The following MSANTD3 variants were observed in gnomAD, a reference collection of about 807,000 sequenced individuals.
MSANTD3 encodes myb/SANT-like DNA-binding domain-containing protein 3.
A neutral mutation model predicts 27.7 loss-of-function variants in MSANTD3; 11 were observed. The ratio of observed to expected loss-of-function variants is 0.40; its 90% confidence interval spans 0.25 to 0.66. The LOEUF is 0.66. Ranked by LOEUF, MSANTD3 falls within the 30% of genes least tolerant of loss-of-function variation. MSANTD3 has a pLI of 0.41. For synonymous variants in MSANTD3, 131 were observed against 127.2 expected, an observed-to-expected ratio of 1.03 and a Z score of -0.20; for missense variants, 250 against 336.5, an observed-to-expected ratio of 0.74 and a Z score of 2.01.
At chr9:100,428,949 C>T (rs1195967953) in intron 1 of MSANTD3, among the ~76,000 whole-genome samples, 1 of 152,142 alleles carries the variant, frequency 6.6e-6, no homozygotes, top group Non-Finnish European at 1.5e-5. Context: ...CCAGGCACTG[C>T]ACCTGTGGGG....
At chr9:100,447,802 C>T (rs1836789962) in intron 2 of MSANTD3, among the ~76,000 whole-genome samples, 1 of 152,142 alleles carries the variant, frequency 6.6e-6, no homozygotes, top group South Asian at 2.1e-4. Flanking sequence ...TAGTTAGCTG[C>T]TCAAAAAACA....
chr9:100,445,183 AG>A, intron 2 of MSANTD3: 1 of 1,609,196 alleles, frequency 6.2e-7, no homozygotes, highest in Non-Finnish European at 8.5e-7. Flanking sequence ...CTTTCAAGAA[AG>A]AAAAAGAAGC....
Position 100,451,085 on chromosome 9 carries a change from T to C in MSANTD3, c.*119T>C. 1 of 997,354 alleles carries C rather than the reference T, an allele frequency of 1.0e-6. No individual in the cohort carries two copies. Among genetic ancestry groups the C allele is most frequent in the Non-Finnish European group, 1.5e-6 (1 of 683,770 alleles). The allele number at this position is 997,354 out of a possible 1,614,324, so 61.8% of individuals were successfully genotyped here. Reference sequence around the variant, plus strand: ...ACTAGGAAAATTAGAGTGGTAGTAGTCACTTATTTAAGAATTCATTCAGGT... The same window carrying C: ...ACTAGGAAAATTAGAGTGGTAGTAGCCACTTATTTAAGAATTCATTCAGGT... On this transcript the variant is annotated 3_prime_UTR_variant, in exon 3 of 3. Transcript: ENST00000395067.
At chr9:100,444,670 T>C (rs376320551) in intron 2 of MSANTD3, 1 of 153,048 alleles carries the variant, frequency 6.5e-6, no homozygotes, top group Non-Finnish European at 1.5e-5. Flanking sequence ...ATCTAGATTA[T>C]TGTGTATTGA....
intron 1 of MSANTD3, among the ~76,000 whole-genome samples, chr9:100,438,672 G>C (rs1008215781): frequency 6.6e-6 from 1 of 152,128 alleles, no homozygotes; most frequent in African/African-American, 2.4e-5. Flanking sequence ...TGTACCTATT[G>C]ATTTCCTAAC....
intron 2 of MSANTD3, chr9:100,444,805 A>G (rs1836714079): frequency 6.1e-6 from 1 of 164,826 alleles, no homozygotes; most frequent in Admixed American, 6.2e-5. Context: ...AAATGATGTA[A>G]TTCATTTACT....
In MSANTD3 at chr9:100,451,037, C is replaced by A; in HGVS notation, c.*71C>A. ...ATGTCTGGAACATGGACTTGGCGGTCAGTAACCTGTAACAGAGCTACAACT... is the reference window on the plus strand; with the variant it reads ...ATGTCTGGAACATGGACTTGGCGGTAAGTAACCTGTAACAGAGCTACAACT... On this transcript the variant is annotated 3_prime_UTR_variant, in exon 3 of 3. Transcript: ENST00000395067. 1.4e-6 allele frequency: 2 copies of A among 1,447,076 alleles called. No homozygotes were observed. Among genetic ancestry groups the A allele is most frequent in the South Asian group, 1.4e-5 (1 of 72,544 alleles). 89.6% of individuals were successfully genotyped at this position (1,447,076 alleles called of 1,614,324 possible).
At chr9:100,428,000 A>C (rs1420485372) in intron 1 of MSANTD3, among the ~76,000 whole-genome samples, 2 of 152,172 alleles carry the variant, frequency 1.3e-5, no homozygotes, top group Non-Finnish European at 2.9e-5. Context: ...AAGATAATGT[A>C]TGTAAATGAT....
At chr9:100,448,567 G>A (rs1587795604) in intron 2 of MSANTD3, 7 of 985,374 alleles carry the variant, frequency 7.1e-6, no homozygotes, top group Admixed American at 6.1e-5. Context: ...CCCACTGCAC[G>A]TAATTCACCC....
intron 1 of MSANTD3, among the ~76,000 whole-genome samples, chr9:100,440,779 CCTTT>C (rs1836598722): frequency 8.0e-6 from 1 of 125,642 alleles, no homozygotes; most frequent in Non-Finnish European, 1.7e-5. Context: ...CTTTTTCTTC[CCTTT>C]TTTTTTTTTT....
chr9:100,438,939 C>T (rs1191989396), intron 1 of MSANTD3, among the ~76,000 whole-genome samples: 1 of 152,178 alleles, frequency 6.6e-6, no homozygotes, highest in African/African-American at 2.4e-5. Context: ...TATAGGGACA[C>T]ATCCCCAAAG....
At chr9:100,449,678 T>G (rs1367020166) in intron 2 of MSANTD3, among the ~76,000 whole-genome samples, 1 of 151,488 alleles carries the variant, frequency 6.6e-6, no homozygotes, top group African/African-American at 2.4e-5. Context: ...TTTGGAAGAG[T>G]CAGACAAGAA....
intron 2 of MSANTD3, among the ~76,000 whole-genome samples, chr9:100,446,966 G>A (rs890073345): frequency 6.6e-6 from 1 of 152,084 alleles, no homozygotes; most frequent in African/African-American, 2.4e-5. Context: ...CTGTATCTGG[G>A]GTTTGGCCTG....
At chr9:100,439,635 G>A (rs1415916911) in intron 1 of MSANTD3, among the ~76,000 whole-genome samples, 2 of 150,692 alleles carry the variant, frequency 1.3e-5, no homozygotes, top group Admixed American at 6.6e-5. Context: ...TCAGCCTCCC[G>A]AATAGCTGGG....
intron 1 of MSANTD3, among the ~76,000 whole-genome samples, chr9:100,436,867 C>T (rs186966680): frequency 3.3e-4 from 50 of 152,224 alleles, no homozygotes; most frequent in African/African-American, 7.0e-4. Flanking sequence ...TGCAATGGCT[C>T]GACTTTGGCT....
chr9:100,450,822 A>G lies in MSANTD3; in HGVS notation c.684A>G (p.Arg228=). Residue 228 remains arginine (R), a synonymous_variant, in exon 3 of 3, where the codon CGA becomes CGG. Coordinates refer to ENST00000395067, the MANE Select transcript of MSANTD3 (RefSeq NM_080655.3). ...VHVAKIQQIE[R]ECEMAEEEHR... ...TGGCCAAAATCCAGCAGATAGAGCG[A>G]GAGTGTGAGATGGCAGAGGAGGAAC... 2 of 1,614,252 alleles carry G rather than the reference A, an allele frequency of 1.2e-6. No individual in the cohort carries two copies. The highest frequency in any genetic ancestry group is 1.7e-6 in the Non-Finnish European group (2 of 1,180,038).
At chr9:100,434,258 T>C (rs1836428531) in intron 1 of MSANTD3, among the ~76,000 whole-genome samples, 1 of 152,162 alleles carries the variant, frequency 6.6e-6, no homozygotes, top group South Asian at 2.1e-4. Context: ...GTGTGGTGGC[T>C]CACACCTGTA....
intron 1 of MSANTD3, among the ~76,000 whole-genome samples, chr9:100,440,248 CA>C (rs1477854820): frequency 6.6e-6 from 1 of 152,156 alleles, no homozygotes; most frequent in African/African-American, 2.4e-5. Context: ...GGCCGAGAAA[CA>C]GCTGTGGAAT....
At chr9:100,449,100 A>G (rs1836823889) in intron 2 of MSANTD3, 4 of 985,402 alleles carry the variant, frequency 4.1e-6, no homozygotes, top group Non-Finnish European at 4.8e-6. Flanking sequence ...GTTTTTCTCC[A>G]AGGAGAAGAT....
Sources: allele counts gnomAD v4.1 joint callset (sites outside exome capture counted in the v4.1 genomes callset), GRCh38; gene constraint gnomAD v4.1.1; transcripts MANE v1.5; gene names NCBI Gene and HGNC (gene_info 2026-07-23, HGNC 2026-07-21).